NEMP2: variants seen among roughly 807,000 people sequenced by gnomAD.
The protein encoded by NEMP2 is UPF0571 transmembrane protein.
A neutral mutation model predicts 54.2 loss-of-function variants in NEMP2; 53 were observed. The ratio of observed to expected loss-of-function variants is 0.98; its 90% confidence interval spans 0.78 to 1.23. The LOEUF (loss-of-function observed/expected upper bound fraction) is 1.23. Ranked by LOEUF, NEMP2 falls within the 50% of genes most tolerant of loss-of-function variation. NEMP2 has a pLI of 0.00. For missense variants in NEMP2, 455 were observed against 511.3 expected (o/e 0.89, Z 1.06); for synonymous variants, 197 against 190.3 (o/e 1.04, Z -0.29).
At chr2:190,549,158 C>G in the NEMP2 span, among the ~76,000 whole-genome samples, 1 of 152,212 alleles carries the variant, frequency 6.6e-6, no homozygotes, top group Non-Finnish European at 1.5e-5. Context: ...GCATGTGCCT[C>G]TGTTCTCTGT....
the NEMP2 span, among the ~76,000 whole-genome samples, chr2:190,621,661 A>T: frequency 6.6e-6 from 1 of 152,300 alleles, no homozygotes; most frequent in East Asian, 1.9e-4. Context: ...AAGCTACAAT[A>T]ATCAAGACAG....
At chr2:190,618,463 A>C in the NEMP2 span, among the ~76,000 whole-genome samples, 2 of 152,168 alleles carry the variant, frequency 1.3e-5, no homozygotes. Context: ...CTTTTCATGT[A>C]TCTCAATCCC....
chr2:190,477,449 T>A, the NEMP2 span: 20 of 816,380 alleles, frequency 2.4e-5, no homozygotes, highest in Non-Finnish European at 3.0e-5. Context: ...ATCCTTTTAG[T>A]TTAAAATGAG....
chr2:190,433,995 G>A, the NEMP2 span, among the ~76,000 whole-genome samples: 3 of 151,868 alleles, frequency 2.0e-5, no homozygotes, highest in East Asian at 1.9e-4. The surrounding 1 kb of genome is among the most constrained non-coding windows in gnomAD (Gnocchi z 4.5). Context: ...GTTGGAGAAC[G>A]GCCTGGGCAA....
the NEMP2 span, among the ~76,000 whole-genome samples, chr2:190,431,031 C>T: frequency 2.4e-5 from 2 of 83,576 alleles, no homozygotes; most frequent in African/African-American, 4.1e-5. This position sits in a 1 kb window ranked among gnomAD's most constrained non-coding sequence, Gnocchi z 4.4. Context: ...CAGACGGGGT[C>T]GCGGCCGGGC....
chr2:190,438,522 G>A, the NEMP2 span, among the ~76,000 whole-genome samples: 2 of 152,132 alleles, frequency 1.3e-5, no homozygotes, highest in Non-Finnish European at 2.9e-5. The surrounding 1 kb of genome is among the most constrained non-coding windows in gnomAD (Gnocchi z 5.2). Context: ...TCTAAAAAAA[G>A]AGAACACCCT....
At chr2:190,537,448 T>G (rs975585051), upstream of NEMP2, among the ~76,000 whole-genome samples, 1 of 152,150 alleles carries the variant, frequency 6.6e-6, no homozygotes, top group African/African-American at 2.4e-5. Flanking sequence ...TATAAGGGGC[T>G]TTTCCCCTTC....
the NEMP2 span, among the ~76,000 whole-genome samples, chr2:190,481,320 G>A: frequency 1.3e-5 from 2 of 152,294 alleles, no homozygotes; most frequent in Admixed American, 1.3e-4. Context: ...AAGTTTGCAA[G>A]CTAGAGCTTA....
the NEMP2 span, among the ~76,000 whole-genome samples, chr2:190,579,548 CT>C: frequency 6.6e-6 from 1 of 151,992 alleles, no homozygotes; most frequent in South Asian, 2.1e-4. Flanking sequence ...ACAGAATTAT[CT>C]TGAATATTTA....
the NEMP2 span, among the ~76,000 whole-genome samples, chr2:190,615,530 T>G: frequency 6.6e-6 from 1 of 152,206 alleles, no homozygotes; most frequent in African/African-American, 2.4e-5. This position sits in a 1 kb window ranked among gnomAD's most constrained non-coding sequence, Gnocchi z 4.7. Context: ...CCTGGAAATC[T>G]TCCAAACCTA....
chr2:190,540,071 C>T, the NEMP2 span, among the ~76,000 whole-genome samples: 1 of 152,030 alleles, frequency 6.6e-6, no homozygotes, highest in African/African-American at 2.4e-5. Context: ...ATCTATGGCC[C>T]TTATTATTTT....
the NEMP2 span, among the ~76,000 whole-genome samples, chr2:190,428,114 T>C: frequency 6.6e-6 from 1 of 152,254 alleles, no homozygotes; most frequent in Admixed American, 6.5e-5. Flanking sequence ...CAGTGATCTT[T>C]TGTTTCCTGC....
upstream of NEMP2, among the ~76,000 whole-genome samples, chr2:190,537,854 A>G (rs1408873876): frequency 6.6e-6 from 1 of 152,240 alleles, no homozygotes; most frequent in African/African-American, 2.4e-5. Flanking sequence ...AGACCTTCTC[A>G]GCAGCCCCTC....
chr2:190,455,045 T>C, the NEMP2 span, among the ~76,000 whole-genome samples: 3 of 151,818 alleles, frequency 2.0e-5, no homozygotes, highest in Non-Finnish European at 4.4e-5. Flanking sequence ...AGATCCACCA[T>C]GCAAGCCTGG....
chr2:190,455,934 C>CTTTTTTTTTTTT, the NEMP2 span, among the ~76,000 whole-genome samples: 45 of 65,390 alleles, frequency 6.9e-4, 3 homozygotes, highest in Non-Finnish European at 7.4e-4. Context: ...ATTTACTCTG[C>CTTTTTTTTTTTT]TTTTTTTTTT....
chr2:190,548,667 A>C, the NEMP2 span, among the ~76,000 whole-genome samples: 2 of 152,230 alleles, frequency 1.3e-5, no homozygotes, highest in Non-Finnish European at 2.9e-5. Context: ...CTTTGTTGTG[A>C]TAGCGATCTT....
At chr2:190,524,430 A>C (rs1390942704) in intron 2 of NEMP2, among the ~76,000 whole-genome samples, 1 of 152,180 alleles carries the variant, frequency 6.6e-6, no homozygotes, top group Non-Finnish European at 1.5e-5. Context: ...CACTACCTTA[A>C]CCATGTGATT....
At position 190,533,212 on chromosome 2, in the gene NEMP2, G is replaced by A. The variant is rs1691218186; in HGVS notation, c.97+1347C>T. 6.6e-6 allele frequency among the ~76,000 whole-genome samples: 1 copy of A among 152,200 alleles called. No homozygotes were observed. The highest frequency in any genetic ancestry group is 1.5e-5 in the Non-Finnish European group (1 of 68,024). ...TACCACAAGTTGTGGCTGAAGGAAT[G>A]AGTGGTCTAGAACCCAAGGTGCTGG... is the stretch of plus-strand genomic sequence containing the variant. On this transcript the variant is annotated intron_variant, in intron 1 of 8. Coordinates refer to ENST00000409150, the MANE Select transcript of NEMP2 (RefSeq NM_001142645.2). The surrounding 1 kb of genome is among the most constrained non-coding windows in gnomAD (Gnocchi z 4.3).
the NEMP2 span, chr2:190,436,774 C>G: frequency 1.2e-6 from 2 of 1,614,172 alleles, no homozygotes; most frequent in Non-Finnish European, 1.7e-6. The surrounding 1 kb of genome is among the most constrained non-coding windows in gnomAD (Gnocchi z 5.3). Context: ...CACAGCAACC[C>G]CTGTCTCCCC....
Sources: allele counts gnomAD v4.1 joint callset (sites outside exome capture counted in the v4.1 genomes callset), GRCh38; gene constraint gnomAD v4.1.1; non-coding constraint Gnocchi (gnomAD v3.1); transcripts MANE v1.5; gene names NCBI Gene and HGNC (gene_info 2026-07-23, HGNC 2026-07-21).